Variants in LSM14B observed in about 807,000 individuals in gnomAD.
The protein encoded by LSM14B is LSM family member 14B.
Under a neutral mutation model 42.1 loss-of-function variants are expected in LSM14B, and 8 were observed. The ratio of observed to expected loss-of-function variants is 0.19; its 90% CI spans 0.11 to 0.34. The LOEUF is 0.34. Among genes scored for constraint, LSM14B ranks in the 10% least tolerant of loss-of-function variants. The pLI, the probability that LSM14B is intolerant of heterozygous loss-of-function variation, is 1.00. For missense variants in LSM14B, 396 were observed against 513.1 expected (o/e 0.77, Z 2.21); for synonymous variants, 219 against 209.7 (o/e 1.04, Z -0.38).
intron 7 of LSM14B, 65 bp downstream of exon 7, chr20:62,131,571 C>T (rs1278036167): frequency 1.3e-6 from 2 of 1,587,508 alleles, no homozygotes; most frequent in Non-Finnish European, 1.7e-6. Flanking sequence ...GCTGAGGGCT[C>T]TCAACCTGAG....
At position 62,134,515 on chromosome 20, in the gene LSM14B, G is replaced by C. The variant is rs2056854329; in HGVS notation, c.*367G>C. On this transcript the variant is annotated 3_prime_UTR_variant, in exon 9 of 9. Coordinates refer to ENST00000279068, the MANE Select transcript of LSM14B (RefSeq NM_144703.3). The stretch of plus-strand genomic sequence containing the variant: ...TAATGACAAGCTTTGACTTTTAAAA[G>C]TGGAACCAAATCTGTTGGCAGAGGT... 3.1e-6 allele frequency: 1 copy of C among 323,954 alleles called. No individual in the cohort carries two copies. Among genetic ancestry groups the C allele is most frequent in the Non-Finnish European group, 5.9e-6 (1 of 168,114 alleles). 20.1% of individuals were successfully genotyped at this position (323,954 alleles called of 1,614,324 possible). A position where few individuals can be genotyped will look rare whatever the true frequency, so the allele number is the denominator to read the frequency against.
At position 62,129,108 on chromosome 20, in the gene LSM14B, C is replaced by T. The variant is rs188177980; in HGVS notation, c.428-677C>T. On this transcript the variant is annotated intron_variant, in intron 3 of 8. Coordinates refer to ENST00000279068, the MANE Select transcript of LSM14B (RefSeq NM_144703.3). ...GGGTTCATCCCCTGTGCGTGGGCCT[C>T]GGACTGCAGTTTCATAGGCATAGCC... 2,682 of 855,678 alleles carry T rather than the reference C, an allele frequency of 3.1e-3. 38 individuals are homozygous for T. The highest frequency in any genetic ancestry group is 0.019 in the South Asian group (1,351 of 69,456). The allele number at this position is 855,678 out of a possible 1,614,324, so 53.0% of individuals were successfully genotyped here. A position where few individuals can be genotyped will look rare whatever the true frequency, so the allele number is the denominator to read the frequency against.
chr20:62,133,202 T>C (rs1325636691), intron 7 of LSM14B, 88 bp from the exon 8 acceptor site: 1 of 1,516,378 alleles, frequency 6.6e-7, no homozygotes, highest in East Asian at 2.3e-5. Context: ...AGTCTGTCCC[T>C]CCTTCCCTGG....
In LSM14B at chr20:62,135,095, G is replaced by A. The variant is rs1309716284; in HGVS notation, c.*947G>A. 1 of 152,176 alleles carries A rather than the reference G, an allele frequency of 6.6e-6. No individual in the cohort carries two copies. Among genetic ancestry groups the A allele is most frequent in the Non-Finnish European group, 1.5e-5 (1 of 68,026 alleles). 9.4% of individuals were successfully genotyped at this position (152,176 alleles called of 1,614,324 possible). On this transcript the variant is annotated 3_prime_UTR_variant, in exon 9 of 9. Coordinates refer to ENST00000279068, the MANE Select transcript of LSM14B (RefSeq NM_144703.3). ...GTTTGTGTTGTAACAGTGGGTGGAG[G>A]GAGGGTGGGGTCTACATTTGTTGCA... is the stretch of plus-strand genomic sequence containing the variant.
rs903909965 is a variant in LSM14B, at chr20:62,130,279, C to T, written c.656C>T (p.Pro219Leu). Residue 219 changes from proline to leucine, a missense_variant, in exon 5 of 9, where the codon CCT (proline) becomes CTT (leucine). Physicochemically the swap from Pro to Leu is moderately conservative, Grantham distance 98. Coordinates refer to ENST00000279068, the MANE Select transcript of LSM14B (RefSeq NM_144703.3). The surrounding 1 kb of genome is among the most constrained non-coding windows in gnomAD (Gnocchi z 4.1). ...QGQVNDENRR[P>L]QRRRSGNRRT... Reference sequence around the variant, plus strand: ...CAGGTGAATGACGAGAACAGAAGACCTCAGAGGAGGCGATCAGGTAACACC... The same window carrying T: ...CAGGTGAATGACGAGAACAGAAGACTTCAGAGGAGGCGATCAGGTAACACC... 6.2e-7 allele frequency: 1 copy of T among 1,600,450 alleles called. No individual in the cohort carries two copies. The highest frequency in any genetic ancestry group is 8.5e-7 in the Non-Finnish European group (1 of 1,173,414).
At position 62,131,461 on chromosome 20, in the gene LSM14B, A is replaced by G. The variant is rs1353379167; in HGVS notation, c.941A>G (p.Lys314Arg). Residue 314 changes from lysine to arginine, a missense_variant, in exon 7 of 9, where the codon AAA (lysine) becomes AGA (arginine). By Grantham distance (26) the Lys-to-Arg change is conservative. Transcript: ENST00000279068. ...DLLGPNCYYD[K>R]SKSFFDNISS... ...CTGGGGCCCAACTGCTACTATGACAAATCCAAGTCGTTCTTCGACAACATC... is the reference window on the plus strand; with the variant it reads ...CTGGGGCCCAACTGCTACTATGACAGATCCAAGTCGTTCTTCGACAACATC... 6.2e-7 allele frequency: 1 copy of G among 1,613,804 alleles called. No homozygotes were observed. The highest frequency in any genetic ancestry group is 1.3e-5 in the African/African-American group (1 of 74,920).
chr20:62,127,730 T>C (rs1301782648), intron 3 of LSM14B: 46 of 1,440,630 alleles, frequency 3.2e-5, no homozygotes, highest in Admixed American at 1.4e-4. Context: ...AACTGCATGC[T>C]GTCTTGCAAA....
In LSM14B at chr20:62,131,385, G is replaced by A; in HGVS notation, c.865G>A (p.Asp289Asn). 1 of 1,609,124 alleles carries A rather than the reference G, an allele frequency of 6.2e-7. No individual in the cohort carries two copies. The highest frequency in any genetic ancestry group is 8.5e-7 in the Non-Finnish European group (1 of 1,177,314). The change falls in exon 7 of 9, where the codon GAC (aspartate) becomes AAC (asparagine). Residue 289 changes from aspartate to asparagine, a missense_variant. By Grantham distance (23) the Asp-to-Asn change is conservative. This residue lies in a region of LSM14B where 118 missense variants were observed against 156.4 expected (regional missense o/e 0.75). Transcript: ENST00000279068. ...DDKAEKGEEKDLAVVTQSAEA... is the reference protein window; with the variant it reads ...DDKAEKGEEKNLAVVTQSAEA... ...CAAGGCTGAGAAGGGGGAAGAGAAG[G>A]ACCTGGCTGTGGTGACCCAGAGTGC... is the stretch of plus-strand genomic sequence containing the variant.
At position 62,134,472 on chromosome 20, in the gene LSM14B, GACTT is replaced by G; in HGVS notation, c.*325_*328del. On this transcript the variant is annotated 3_prime_UTR_variant, in exon 9 of 9. Coordinates refer to ENST00000279068, the MANE Select transcript of LSM14B (RefSeq NM_144703.3). ...AGTGAAAGCTGAATCCTTACTTTGT[GACTT>G]TTTTTTTTTTTTTTAATGACAAGCT... 6.4e-6 allele frequency: 1 copy of G among 155,386 alleles called. No homozygotes were observed. The highest frequency in any genetic ancestry group is 1.3e-5 in the Non-Finnish European group (1 of 75,254). The allele number at this position is 155,386 out of a possible 1,614,324, so 9.6% of individuals were successfully genotyped here.
At chr20:62,132,909 T>C (rs6142960) in intron 7 of LSM14B, among the ~76,000 whole-genome samples, 142,717 of 152,198 alleles carry the variant, frequency 0.94, 67,607 homozygotes, top group East Asian at 1. Context: ...TATCCTAGCC[T>C]CCTCCTTGTC....
At chr20:62,132,291 G>A (rs894488728) in intron 7 of LSM14B, among the ~76,000 whole-genome samples, 1 of 152,266 alleles carries the variant, frequency 6.6e-6, no homozygotes, top group Non-Finnish European at 1.5e-5. Context: ...GACAGGCCGA[G>A]TCTGGGGGAT....
In LSM14B at chr20:62,126,459, C is replaced by T. The variant is rs759522303; in HGVS notation, c.427+20C>T. On this transcript the variant is annotated intron_variant, in intron 3 of 8. Transcript: ENST00000279068. ...GTCTAGGTGAGTGACCTGTTTCTGTCTGGTAAACTACCCTTGCGTGTAACT... is the reference window on the plus strand; with the variant it reads ...GTCTAGGTGAGTGACCTGTTTCTGTTTGGTAAACTACCCTTGCGTGTAACT... 6.2e-7 allele frequency: 1 copy of T among 1,603,762 alleles called. No individual in the cohort carries two copies. Among genetic ancestry groups the T allele is most frequent in the South Asian group, 1.1e-5 (1 of 90,890 alleles).
chr20:62,133,603 A>G (rs933431688), intron 8 of LSM14B, 128 bp downstream of exon 8: 1 of 1,090,956 alleles, frequency 9.2e-7, no homozygotes, highest in Admixed American at 3.2e-5. Flanking sequence ...TGTCAAAGCC[A>G]AACCGAGGGC....
chr20:62,126,403 C>G lies in LSM14B; in HGVS notation c.391C>G (p.Leu131Val). 1 of 1,611,394 alleles carries G rather than the reference C, an allele frequency of 6.2e-7. No homozygotes were observed. The highest frequency in any genetic ancestry group is 8.5e-7 in the Non-Finnish European group (1 of 1,179,836). The change falls in exon 3 of 9, where the codon CTG (leucine) becomes GTG (valine). Residue 131 changes from leucine (L) to valine (V), a missense_variant. Physicochemically the swap from Leu to Val is conservative, Grantham distance 32. This residue lies in a region of LSM14B where 274 missense variants were observed against 335.8 expected (regional missense o/e 0.82). Transcript: ENST00000279068. ...CTACGGCCCGCTGGCGGCCAGCTCCCTGCTCAGCCAGCAGTATGCCGCCTC... is the reference window on the plus strand; with the variant it reads ...CTACGGCCCGCTGGCGGCCAGCTCCGTGCTCAGCCAGCAGTATGCCGCCTC... ...APYGPLAASS[L>V]LSQQYAASLG... is the part of the protein sequence containing the mutation.
intron 3 of LSM14B, chr20:62,128,041 A>AG (rs990522310): frequency 4.5e-5 from 26 of 574,932 alleles, no homozygotes; most frequent in Middle Eastern, 4.7e-4. Context: ...AGAGTGCTGC[A>AG]GGGGGGACTC....
intron 2 of LSM14B, 43 bp downstream of exon 2, chr20:62,124,823 T>A: frequency 6.4e-7 from 1 of 1,564,672 alleles, no homozygotes; most frequent in South Asian, 1.2e-5. Context: ...TAGGAGATGC[T>A]GGTTTCCATT....
chr20:62,126,130 G>A (rs2056592729), intron 2 of LSM14B, 174 bp from the exon 3 acceptor site: 1 of 789,062 alleles, frequency 1.3e-6, no homozygotes, highest in Admixed American at 2.3e-5. Context: ...GAAATGCTGT[G>A]GAAAAGGCAG....
chr20:62,134,431 G>A lies in LSM14B; in HGVS notation c.*283G>A. 1.0e-5 allele frequency: 3 copies of A among 298,396 alleles called. No homozygotes were observed. Among genetic ancestry groups the A allele is most frequent in the South Asian group, 8.4e-5 (3 of 35,916 alleles). 18.5% of individuals were successfully genotyped at this position (298,396 alleles called of 1,614,324 possible). ...CCTAATTCTAAGGTTTTGGTATTTT[G>A]CAAAAAGGTTTCTATAGTGAAAGCT... On this transcript the variant is annotated 3_prime_UTR_variant, in exon 9 of 9. Transcript: ENST00000279068.
At chr20:62,131,162 G>A (rs1361178571) in intron 6 of LSM14B, among the ~76,000 whole-genome samples, 194 bp from the exon 7 acceptor site, 2 of 152,232 alleles carry the variant, frequency 1.3e-5, no homozygotes, top group African/African-American at 2.4e-5. Flanking sequence ...GGGATAAGGT[G>A]CAGACTGCAC....
Sources: allele counts gnomAD v4.1 joint callset (sites outside exome capture counted in the v4.1 genomes callset), GRCh38; gene constraint gnomAD v4.1.1; regional missense constraint gnomAD v4.1.1; non-coding constraint Gnocchi (gnomAD v3.1); transcripts MANE v1.5; gene names NCBI Gene and HGNC (gene_info 2026-07-23, HGNC 2026-07-21).